Variants in CYTH2 observed in about 807,000 individuals in gnomAD.
The protein encoded by CYTH2 is cytohesin-2.
In CYTH2, 24 loss-of-function variants were observed where a neutral mutation model predicts 55.4. The observed-to-expected ratio is 0.43, with a 90% CI of 0.31 to 0.61. CYTH2 has a LOEUF of 0.61. CYTH2 is among the 20% of genes least tolerant of loss of function. The probability of loss-of-function intolerance (pLI) is 0.08; values close to 1 mark genes in which losing one functional copy is unlikely to be tolerated. For synonymous variants in CYTH2, 221 were observed against 209.6 expected, an observed-to-expected ratio of 1.05 and a Z score of -0.47; for missense variants, 378 against 533.5, an observed-to-expected ratio of 0.71 and a Z score of 2.87.
Position 48,480,781 on chromosome 19 carries a change from A to G in CYTH2, c.*1571A>G, listed in dbSNP as rs1281822820. The G allele has an allele frequency of 6.6e-6, 1 of 152,182 alleles. No individual in the cohort carries two copies. Among genetic ancestry groups the G allele is most frequent in the Admixed American group, 6.5e-5 (1 of 15,282 alleles). The allele number at this position is 152,182 out of a possible 1,614,324, so 9.4% of individuals were successfully genotyped here. A position where few individuals can be genotyped will look rare whatever the true frequency, so the allele number is the denominator to read the frequency against. On this transcript the variant is annotated 3_prime_UTR_variant, in exon 12 of 12. Transcript: ENST00000452733. ...GGGAAACGGAGTCATCGACCCAAGA[A>G]GGTCGTGGGAGATGAGGTCCCAGGG...
rs1023973940 is a variant in CYTH2, at chr19:48,474,774, C to G, written c.697-64C>G. 28 of 1,456,530 alleles carry G rather than the reference C, an allele frequency of 1.9e-5. No individual in the cohort carries two copies. In the Admixed American group the frequency reaches 3.2e-4, roughly 17 times the overall value. The allele number at this position is 1,456,530 out of a possible 1,614,324, so 90.2% of individuals were successfully genotyped here. A position where few individuals can be genotyped will look rare whatever the true frequency, so the allele number is the denominator to read the frequency against. On this transcript the variant is annotated intron_variant, in intron 7 of 11. Coordinates refer to ENST00000452733, the MANE Select transcript of CYTH2 (RefSeq NM_004228.7). This position sits in a 1 kb window ranked among gnomAD's most constrained non-coding sequence, Gnocchi z 4.9. ...TCCCATCCCTGGTCTCGCTGCCCCC[C>G]ACCCTGAGTAACCCTGGGGGGCCCC... is the stretch of plus-strand genomic sequence containing the variant.
At position 48,470,600 on chromosome 19, in the gene CYTH2, C is replaced by T; in HGVS notation, c.168-3C>T. The T allele has an allele frequency of 1.2e-6, 2 of 1,614,260 alleles. No individual in the cohort carries two copies. Among genetic ancestry groups the T allele is most frequent in the Non-Finnish European group, 1.7e-6 (2 of 1,180,046 alleles). On this transcript the variant is annotated splice_region_variant and splice_polypyrimidine_tract_variant and intron_variant, in intron 2 of 11. Coordinates refer to ENST00000452733, the MANE Select transcript of CYTH2 (RefSeq NM_004228.7). ...CCCCCAACCCTGCTCTCTGCTCCTG[C>T]AGTAAGACCTTGCAACGGAACCGGA...
chr19:48,476,514 C>A (rs1012388949), intron 8 of CYTH2: 1 of 152,624 alleles, frequency 6.6e-6, no homozygotes, highest in East Asian at 1.9e-4. Context: ...CTCGAGGTGC[C>A]CCTGGCAGTG....
In CYTH2 at chr19:48,478,556, C is replaced by G; in HGVS notation, c.1076C>G (p.Thr359Arg). Residue 359 changes from threonine (T) to arginine (R), a missense_variant, in exon 11 of 12, where the codon ACG (threonine) becomes AGG (arginine). By Grantham distance (71) the Thr-to-Arg change is moderately conservative. Transcript: ENST00000452733. ...NHMVYRISAPTQEEKDEWIKS... is the reference protein window; with the variant it reads ...NHMVYRISAPRQEEKDEWIKS... ...ATGGTGTACCGGATCTCGGCCCCCA[C>G]GCAGGAGGAGAAGGACGAGTGGATC... The G allele has an allele frequency of 1.2e-6, 2 of 1,613,542 alleles. No individual in the cohort carries two copies. The highest frequency in any genetic ancestry group is 1.7e-6 in the Non-Finnish European group (2 of 1,179,784).
At chr19:48,477,817 G>C (rs1370768512) in intron 8 of CYTH2, 8 of 518,444 alleles carry the variant, frequency 1.5e-5, no homozygotes, top group Non-Finnish European at 2.8e-5. Context: ...AGGAGGAGGG[G>C]GCTGGGGGCT....
At chr19:48,470,737 G>T (rs1368879349) in intron 3 of CYTH2, 68 bp downstream of exon 3, 1 of 1,583,274 alleles carries the variant, frequency 6.3e-7, no homozygotes, top group African/African-American at 1.3e-5. Context: ...GCACCTCCGG[G>T]TTCCAGAAGC....
chr19:48,473,738 C>G (rs534631523), intron 5 of CYTH2, 167 bp from the exon 6 acceptor site: 202 of 622,814 alleles, frequency 3.2e-4, no homozygotes, highest in Non-Finnish European at 5.9e-5. Flanking sequence ...ACAACACTCC[C>G]GTGGCCAATG....
Position 48,478,435 on chromosome 19 carries a change from C to G in CYTH2, c.958-3C>G. 1 of 1,613,854 alleles carries G rather than the reference C, an allele frequency of 6.2e-7. No homozygotes were observed. ...ACCTGCGCCCTTCCTCTCTCGTCCC[C>G]AGAACTGCTTTGAACTTTACATCCC... is the stretch of plus-strand genomic sequence containing the variant. On this transcript the variant is annotated splice_region_variant and splice_polypyrimidine_tract_variant and intron_variant, in intron 10 of 11. Transcript: ENST00000452733.
intron 8 of CYTH2, chr19:48,477,400 G>A (rs1464591687): frequency 6.5e-6 from 1 of 153,278 alleles, no homozygotes; most frequent in Admixed American, 6.5e-5. Context: ...GACCCTAGGG[G>A]GTAGGCTGGG....
chr19:48,481,163 G>C lies in CYTH2; in HGVS notation c.*1953G>C, dbSNP rs879147819. The C allele has an allele frequency of 3.3e-5, 5 of 153,018 alleles. No homozygotes were observed. The Admixed American group carries it at 3.3e-4, about 10-fold the overall frequency. 9.5% of individuals were successfully genotyped at this position (153,018 alleles called of 1,614,324 possible). On this transcript the variant is annotated 3_prime_UTR_variant, in exon 12 of 12. Coordinates refer to ENST00000452733, the MANE Select transcript of CYTH2 (RefSeq NM_004228.7). ...AGGAAGCTGTGCGGTGCAGGATGGC[G>C]TGGCTGTGGAGGTGGAGAACGTTGG...
Position 48,469,543 on chromosome 19 carries a change from CG to C in CYTH2, c.19+21del. Reference sequence around the variant, plus strand: ...GCGTCTATGGTAGGTCGGGGAGGGGCGGGGTCGGCTGGGAGTTGCTGGAGCG... The same window carrying C: ...GCGTCTATGGTAGGTCGGGGAGGGGCGGGTCGGCTGGGAGTTGCTGGAGCG... On this transcript the variant is annotated intron_variant, in intron 1 of 11. Transcript: ENST00000452733. The C allele has an allele frequency of 1.5e-6, 2 of 1,324,670 alleles. No individual in the cohort carries two copies. The highest frequency in any genetic ancestry group is 2.1e-4 in the Middle Eastern group (1 of 4,680). 82.1% of individuals were successfully genotyped at this position (1,324,670 alleles called of 1,614,324 possible).
chr19:48,481,051 A>T lies in CYTH2; in HGVS notation c.*1841A>T, dbSNP rs1972036879. 6.6e-6 allele frequency: 1 copy of T among 152,528 alleles called. No homozygotes were observed. The highest frequency in any genetic ancestry group is 2.1e-4 in the South Asian group (1 of 4,838). The allele number at this position is 152,528 out of a possible 1,614,324, so 9.4% of individuals were successfully genotyped here. A position where few individuals can be genotyped will look rare whatever the true frequency, so the allele number is the denominator to read the frequency against. On this transcript the variant is annotated 3_prime_UTR_variant, in exon 12 of 12. Transcript: ENST00000452733. ...TGGAAGCCGTGCAAGGGCAGGAGGC[A>T]GGGGCCTGACGTGTTTGGATTGAGG... is the stretch of plus-strand genomic sequence containing the variant.
intron 8 of CYTH2, chr19:48,476,695 G>GT (rs1417522458): frequency 1.3e-5 from 2 of 152,170 alleles, no homozygotes; most frequent in African/African-American, 2.4e-5. Flanking sequence ...GGCCAACATG[G>GT]TGAAACCCCG....
At chr19:48,473,554 T>G in intron 5 of CYTH2, 176 bp downstream of exon 5, 1 of 649,396 alleles carries the variant, frequency 1.5e-6, no homozygotes, top group Non-Finnish European at 2.7e-6. Flanking sequence ...CCTTCAGGTA[T>G]GGCTATATCC....
rs1255587823 is a variant in CYTH2 at position 48,474,558 on chromosome 19, T to C, written c.696+228T>C. Among the ~76,000 whole-genome samples the C allele has an allele frequency of 6.6e-6, 1 of 152,224 alleles. No homozygotes were observed. The highest frequency in any genetic ancestry group is 1.5e-5 in the Non-Finnish European group (1 of 68,036). On this transcript the variant is annotated intron_variant, in intron 7 of 11. Transcript: ENST00000452733. The surrounding 1 kb of genome is among the most constrained non-coding windows in gnomAD (Gnocchi z 4.9). ...TTGGCCTGTCTGTCTTCTCTGTCTC[T>C]GGCTGTTGGGCTTTCCGGCCCTCGA...
chr19:48,469,644 A>T, intron 1 of CYTH2, 118 bp downstream of exon 1: 1 of 1,366,512 alleles, frequency 7.3e-7, no homozygotes, highest in Non-Finnish European at 9.6e-7. Flanking sequence ...TCAGTCGTAG[A>T]CTTGTCGCGC....
At chr19:48,472,495 C>T in intron 4 of CYTH2, 52 bp downstream of exon 4, 2 of 1,424,702 alleles carry the variant, frequency 1.4e-6, no homozygotes, top group Admixed American at 1.9e-5. Context: ...CCCCCCAGAC[C>T]CAGCTCCTGC....
At position 48,478,536 on chromosome 19, in the gene CYTH2, G is replaced by C. The variant is rs758418002; in HGVS notation, c.1056G>C (p.Val352=). 31 of 1,613,886 alleles carry C rather than the reference G, an allele frequency of 1.9e-5. No homozygotes were observed. The South Asian group carries it at 3.3e-4, about 17-fold the overall frequency. The change falls in exon 11 of 12, where the codon GTG becomes GTC. Residue 352 remains valine, a synonymous_variant. Coordinates refer to ENST00000452733, the MANE Select transcript of CYTH2 (RefSeq NM_004228.7). ...GAGTGGTGGAGGGAAACCACATGGT[G>C]TACCGGATCTCGGCCCCCACGCAGG... The part of the protein sequence containing the change: ...DGRVVEGNHM[V]YRISAPTQEE...
intron 1 of CYTH2, 148 bp from the exon 2 acceptor site, chr19:48,470,205 G>A (rs1287896476): frequency 2.5e-6 from 3 of 1,214,568 alleles, no homozygotes; most frequent in Non-Finnish European, 3.5e-6. Context: ...TCCTCTGCAG[G>A]GAGGAATCCA....
Sources: allele counts gnomAD v4.1 joint callset (sites outside exome capture counted in the v4.1 genomes callset), GRCh38; gene constraint gnomAD v4.1.1; non-coding constraint Gnocchi (gnomAD v3.1); transcripts MANE v1.5; gene names NCBI Gene and HGNC (gene_info 2026-07-23, HGNC 2026-07-21).